The following SNTB1 variants were observed in gnomAD, a reference collection of about 807,000 sequenced individuals.
SNTB1 encodes syntrophin beta 1.
A neutral mutation model predicts 48.9 loss-of-function variants in SNTB1; 36 were observed. The ratio of observed to expected loss-of-function variants is 0.74; its 90% CI spans 0.56 to 0.97. The LOEUF is 0.97. SNTB1 is among the 50% of genes least tolerant of loss of function. The pLI, the probability that SNTB1 is intolerant of heterozygous loss-of-function variation, is 0.00. For synonymous variants in SNTB1, 299 were observed against 294.6 expected, an observed-to-expected ratio of 1.01 and a Z score of -0.15; for missense variants, 786 against 703.4, an observed-to-expected ratio of 1.12 and a Z score of -1.33.
intron 2 of SNTB1, among the ~76,000 whole-genome samples, chr8:120,640,662 T>C (rs912447504): frequency 6.6e-6 from 1 of 152,238 alleles, no homozygotes; most frequent in African/African-American, 2.4e-5. Context: ...TTTGGTTCTG[T>C]TTATATGCTG....
At chr8:120,679,581 C>G (rs1431372488) in intron 2 of SNTB1, among the ~76,000 whole-genome samples, 1 of 152,144 alleles carries the variant, frequency 6.6e-6, no homozygotes, top group Admixed American at 6.5e-5. Context: ...CAACTCCTGC[C>G]AATTCTATCT....
At chr8:120,604,567 C>T (rs989223506) in intron 3 of SNTB1, among the ~76,000 whole-genome samples, 6 of 151,812 alleles carry the variant, frequency 4.0e-5, no homozygotes, top group African/African-American at 1.5e-4. Flanking sequence ...AATTCTGCCT[C>T]AGCCTCTCAG....
chr8:120,671,459 G>A (rs753710614), intron 2 of SNTB1, among the ~76,000 whole-genome samples: 8 of 152,328 alleles, frequency 5.3e-5, no homozygotes, highest in South Asian at 2.1e-4. Context: ...AGACTGAAGC[G>A]GAGATTGCAG....
intron 1 of SNTB1, among the ~76,000 whole-genome samples, chr8:120,760,629 A>G (rs1030235773): frequency 6.6e-6 from 1 of 152,234 alleles, no homozygotes; most frequent in African/African-American, 2.4e-5. Context: ...AAATCCCCTC[A>G]TCCTTCCTGC....
chr8:120,595,283 G>C (rs533605758), intron 3 of SNTB1, among the ~76,000 whole-genome samples: 53 of 152,274 alleles, frequency 3.5e-4, no homozygotes, highest in African/African-American at 1.2e-3. Context: ...ACAAGATACA[G>C]GTCATAAAGA....
At position 120,811,626 on chromosome 8, in the gene SNTB1, C is replaced by T; in HGVS notation, c.218G>A (p.Gly73Glu). Residue 73 changes from glycine (G) to glutamate (E), a missense_variant, in exon 1 of 7, where the codon GGG (glycine) becomes GAG (glutamate). Gly to Glu is a moderately conservative substitution (Grantham distance 98). Coordinates refer to ENST00000517992, the MANE Select transcript of SNTB1 (RefSeq NM_021021.4). ...ATNGSFCRGA[G>E]AGHPGAGGAQ... ...GCCGCCCGCGCCCGGGTGCCCAGCC[C>T]CGGCGCCCCTGCAGAACGAGCCATT... 6.3e-7 allele frequency: 1 copy of T among 1,591,868 alleles called. No homozygotes were observed. Among genetic ancestry groups the T allele is most frequent in the African/African-American group, 1.4e-5 (1 of 72,632 alleles).
chr8:120,689,761 T>C (rs1400996829), intron 2 of SNTB1, among the ~76,000 whole-genome samples: 1 of 152,180 alleles, frequency 6.6e-6, no homozygotes, highest in Non-Finnish European at 1.5e-5. Context: ...AAAAAAGGCT[T>C]TGTGTGGTTT....
chr8:120,718,718 G>A (rs951544545), intron 1 of SNTB1, among the ~76,000 whole-genome samples: 1 of 152,116 alleles, frequency 6.6e-6, no homozygotes, highest in Admixed American at 6.5e-5. Context: ...GGGGGGCTGA[G>A]TAGGAGGTAC....
At chr8:120,541,783 A>T (rs779875523) in intron 6 of SNTB1, 27 bp downstream of exon 6, 1 of 1,527,076 alleles carries the variant, frequency 6.5e-7, no homozygotes, top group African/African-American at 1.4e-5. Context: ...ATATGAAATC[A>T]CACTGTCTAA....
chr8:120,592,159 G>GCTAT (rs1816249049), intron 3 of SNTB1, among the ~76,000 whole-genome samples: 1 of 151,952 alleles, frequency 6.6e-6, no homozygotes, highest in South Asian at 2.1e-4. Context: ...TAAATTAGCA[G>GCTAT]TCCAATTTCA....
At chr8:120,590,928 G>T (rs768519839) in intron 3 of SNTB1, among the ~76,000 whole-genome samples, 1 of 151,944 alleles carries the variant, frequency 6.6e-6, no homozygotes, top group South Asian at 2.1e-4. Flanking sequence ...CTCGTGATCC[G>T]CCGGCCTCGG....
rs930037254 is a variant in SNTB1, at chr8:120,712,151, C to T, written c.572-18243G>A. Among the ~76,000 whole-genome samples the T allele has an allele frequency of 6.6e-5, 10 of 152,074 alleles. 1 individual carries two copies. The highest frequency in any genetic ancestry group is 1.9e-4 in the East Asian group (1 of 5,174). On this transcript the variant is annotated intron_variant, in intron 1 of 6. Transcript: ENST00000517992. Reference sequence around the variant, plus strand: ...ATGACAGGCCCGGCGTGGTGGCTCACGCCTGTAATCCCAGCACTTTGGGAG... The same window carrying T: ...ATGACAGGCCCGGCGTGGTGGCTCATGCCTGTAATCCCAGCACTTTGGGAG...
intron 2 of SNTB1, among the ~76,000 whole-genome samples, chr8:120,667,367 C>T (rs910162896): frequency 6.6e-6 from 1 of 151,794 alleles, no homozygotes; most frequent in African/African-American, 2.4e-5. Context: ...GTTTTGTGGT[C>T]GTGGAAATGG....
intron 2 of SNTB1, among the ~76,000 whole-genome samples, chr8:120,667,368 G>A (rs1433110713): frequency 6.6e-6 from 1 of 152,124 alleles, no homozygotes; most frequent in Non-Finnish European, 1.5e-5. Context: ...TTTTGTGGTC[G>A]TGGAAATGGA....
chr8:120,682,880 G>GTT (rs759021409), intron 2 of SNTB1, among the ~76,000 whole-genome samples: 3,923 of 127,350 alleles, frequency 0.031, 271 homozygotes, highest in African/African-American at 0.1. Flanking sequence ...TTTGTTTTTA[G>GTT]TTTTTTTTTT....
At chr8:120,744,800 C>T (rs1013909043) in intron 1 of SNTB1, among the ~76,000 whole-genome samples, 8 of 152,022 alleles carry the variant, frequency 5.3e-5, no homozygotes, top group African/African-American at 1.9e-4. Flanking sequence ...GTCCAAAGCA[C>T]CTAATATTGT....
chr8:120,786,871 G>A (rs764221416), intron 1 of SNTB1, among the ~76,000 whole-genome samples: 25 of 152,154 alleles, frequency 1.6e-4, no homozygotes, highest in Non-Finnish European at 3.4e-4. Context: ...TTTAGCCACT[G>A]CCAGATTTTA....
chr8:120,778,338 G>A (rs993992554), intron 1 of SNTB1, among the ~76,000 whole-genome samples: 4 of 152,080 alleles, frequency 2.6e-5, no homozygotes, highest in Admixed American at 6.6e-5. Context: ...TATTTATTTC[G>A]CAACCCAGGG....
intron 1 of SNTB1, among the ~76,000 whole-genome samples, chr8:120,738,728 A>G (rs535532972): frequency 1.2e-4 from 18 of 152,334 alleles, no homozygotes; most frequent in African/African-American, 4.3e-4. Context: ...TAAAAGTCCT[A>G]TGAAAATTGC....
Sources: allele counts gnomAD v4.1 joint callset (sites outside exome capture counted in the v4.1 genomes callset), GRCh38; gene constraint gnomAD v4.1.1; transcripts MANE v1.5; gene names NCBI Gene and HGNC (gene_info 2026-07-23, HGNC 2026-07-21).